The following EPHA6 variants were observed in gnomAD, a reference collection of about 807,000 sequenced individuals.
EPHA6 encodes EPH receptor A6.
EPHA6 carries 50 observed loss-of-function variants against 112.0 expected under a neutral mutation model. The observed-to-expected ratio is 0.45, with a 90% CI of 0.36 to 0.56. The LOEUF (loss-of-function observed/expected upper bound fraction) is 0.56, where lower values mean the gene tolerates loss of function less well. Among genes scored for constraint, EPHA6 ranks in the 20% least tolerant of loss-of-function variants. The pLI is 0.00. For synonymous variants in EPHA6, 529 were observed against 490.7 expected (o/e 1.08, Z -1.03); for missense variants, 1,280 against 1,417.4 (o/e 0.90, Z 1.56).
intron 11 of EPHA6, among the ~76,000 whole-genome samples, chr3:97,590,457 G>T (rs1245868958): frequency 2.0e-5 from 3 of 152,260 alleles, no homozygotes; most frequent in African/African-American, 7.2e-5. Flanking sequence ...TATCTTTTAT[G>T]AGTTGACAGT....
chr3:97,197,123 T>A (rs2077461930), intron 3 of EPHA6, among the ~76,000 whole-genome samples: 1 of 152,058 alleles, frequency 6.6e-6, no homozygotes, highest in Non-Finnish European at 1.5e-5. Flanking sequence ...AGGCAACATT[T>A]GGAATCAGGA....
intron 10 of EPHA6, among the ~76,000 whole-genome samples, chr3:97,499,038 C>G (rs372551355): frequency 6.6e-6 from 1 of 152,076 alleles, no homozygotes; most frequent in South Asian, 2.1e-4. Context: ...CTTTTTAAAA[C>G]TTTTAAGCTT....
At chr3:97,236,925 T>C (rs1382870737) in intron 4 of EPHA6, among the ~76,000 whole-genome samples, 2 of 152,042 alleles carry the variant, frequency 1.3e-5, no homozygotes, top group African/African-American at 4.8e-5. Context: ...CTCAGGATGC[T>C]CACAATCCAA....
chr3:97,118,764 G>A (rs1373543098), intron 3 of EPHA6, among the ~76,000 whole-genome samples: 2 of 151,868 alleles, frequency 1.3e-5, no homozygotes, highest in Non-Finnish European at 1.5e-5. Flanking sequence ...ATCTGTAAAT[G>A]GTACTAGCAA....
intron 3 of EPHA6, among the ~76,000 whole-genome samples, chr3:97,113,667 T>C (rs2047792971): frequency 6.6e-6 from 1 of 152,050 alleles, no homozygotes. Flanking sequence ...CTTTCTTGCC[T>C]TTTTCCTTTT....
intron 5 of EPHA6, among the ~76,000 whole-genome samples, chr3:97,334,829 T>A (rs1319830846): frequency 6.6e-6 from 1 of 152,180 alleles, no homozygotes; most frequent in African/African-American, 2.4e-5. Flanking sequence ...GCTTAAGTGA[T>A]TTCTCTACTG....
chr3:96,904,876 T>G (rs1272920817), intron 2 of EPHA6, among the ~76,000 whole-genome samples: 4 of 152,220 alleles, frequency 2.6e-5, no homozygotes, highest in East Asian at 1.9e-4. Context: ...TAAAACTATA[T>G]TTCACCTGTC....
chr3:97,578,182 T>C (rs1211981577), intron 11 of EPHA6, among the ~76,000 whole-genome samples: 3 of 152,024 alleles, frequency 2.0e-5, no homozygotes, highest in Non-Finnish European at 4.4e-5. Context: ...AAACCCCAAA[T>C]AAAAAGTAGA....
chr3:97,661,314 C>T (rs1039636307), intron 14 of EPHA6, among the ~76,000 whole-genome samples: 3 of 152,094 alleles, frequency 2.0e-5, no homozygotes, highest in African/African-American at 7.2e-5. Context: ...TGTCTCAAGT[C>T]CCTGTGTTTA....
At chr3:96,999,304 A>T (rs1277024011) in intron 3 of EPHA6, among the ~76,000 whole-genome samples, 1 of 151,946 alleles carries the variant, frequency 6.6e-6, no homozygotes, top group Non-Finnish European at 1.5e-5. Context: ...GGGGCCTAAT[A>T]AATTTCCCAA....
intron 5 of EPHA6, among the ~76,000 whole-genome samples, chr3:97,281,205 G>C (rs1018152242): frequency 3.2e-5 from 4 of 123,110 alleles, no homozygotes; most frequent in African/African-American, 1.5e-4. Flanking sequence ...GAGTCTATGT[G>C]TGTGTGTGTG....
chr3:97,489,035 T>A (rs1263493464), intron 10 of EPHA6, among the ~76,000 whole-genome samples: 2 of 152,240 alleles, frequency 1.3e-5, no homozygotes, highest in African/African-American at 4.8e-5. Flanking sequence ...CTGTAAACTT[T>A]AACAATTTAG....
At chr3:97,452,716 A>G (rs1316590261) in intron 7 of EPHA6, among the ~76,000 whole-genome samples, 4 of 151,722 alleles carry the variant, frequency 2.6e-5, no homozygotes, top group Non-Finnish European at 5.9e-5. Flanking sequence ...AAATTTTCTC[A>G]AGATTAAAAT....
chr3:97,085,178 T>G (rs914774455), intron 3 of EPHA6, among the ~76,000 whole-genome samples: 1 of 152,150 alleles, frequency 6.6e-6, no homozygotes, highest in Non-Finnish European at 1.5e-5. Flanking sequence ...AAGGAAATTT[T>G]TATTTGTTTT....
At chr3:97,002,434 C>G (rs2043702405) in intron 3 of EPHA6, among the ~76,000 whole-genome samples, 1 of 147,728 alleles carries the variant, frequency 6.8e-6, no homozygotes, top group African/African-American at 2.5e-5. Context: ...AATTCTCTTT[C>G]ATCTATTGAG....
intron 5 of EPHA6, among the ~76,000 whole-genome samples, chr3:97,248,277 C>A (rs978752862): frequency 1.2e-4 from 18 of 152,014 alleles, no homozygotes; most frequent in African/African-American, 4.1e-4. Context: ...ATATTTGCAA[C>A]CTTCTGTTTT....
intron 14 of EPHA6, among the ~76,000 whole-genome samples, chr3:97,658,072 C>T (rs1393108026): frequency 6.6e-6 from 1 of 151,824 alleles, no homozygotes; most frequent in African/African-American, 2.4e-5. Context: ...TCTGGTTACA[C>T]TAAGCATACT....
At chr3:96,929,989 T>C (rs754655582) in intron 2 of EPHA6, among the ~76,000 whole-genome samples, 3 of 152,214 alleles carry the variant, frequency 2.0e-5, no homozygotes, top group Non-Finnish European at 4.4e-5. Flanking sequence ...TGAGATTCTT[T>C]CCACAGCTTA....
At chr3:97,390,334 C>A (rs565055400) in intron 5 of EPHA6, among the ~76,000 whole-genome samples, 2 of 152,102 alleles carry the variant, frequency 1.3e-5, no homozygotes, top group African/African-American at 4.8e-5. Context: ...ACCACTGTGA[C>A]AAGATCATTC....
Sources: allele counts gnomAD v4.1 joint callset (sites outside exome capture counted in the v4.1 genomes callset), GRCh38; gene constraint gnomAD v4.1.1; transcripts MANE v1.5; gene names NCBI Gene and HGNC (gene_info 2026-07-23, HGNC 2026-07-21).